The following JAM3 variants were observed in gnomAD, a reference collection of about 807,000 sequenced individuals.
JAM3 encodes junctional adhesion molecule 3.
In JAM3, 31 loss-of-function variants were observed where a neutral mutation model predicts 39.4. The ratio of observed to expected loss-of-function variants is 0.79; its 90% CI spans 0.59 to 1.06. The LOEUF is 1.06. JAM3 is among the 50% of genes least tolerant of loss of function. The pLI, the probability that JAM3 is intolerant of heterozygous loss-of-function variation, is 0.00. For synonymous variants in JAM3, 182 were observed against 148.7 expected, an observed-to-expected ratio of 1.22 and a Z score of -1.63; for missense variants, 455 against 391.4, an observed-to-expected ratio of 1.16 and a Z score of -1.37.
chr11:134,103,803 T>G lies in JAM3; in HGVS notation c.76+34644T>G, dbSNP rs184755517. 4.7e-3 allele frequency among the ~76,000 whole-genome samples: 711 copies of G among 152,244 alleles called. 6 individuals carry two copies. Among genetic ancestry groups the G allele is most frequent in the African/African-American group, 0.016 (678 of 41,558 alleles). On this transcript the variant is annotated intron_variant, in intron 1 of 8. Coordinates refer to ENST00000299106, the MANE Select transcript of JAM3 (RefSeq NM_032801.5). ...GGTAAAGGGATCAATTCAACAAGAA[T>G]AGCTAACTATCCTAAATATATATGC...
intron 1 of JAM3, among the ~76,000 whole-genome samples, chr11:134,133,383 A>T (rs934310485): frequency 6.6e-6 from 1 of 152,144 alleles, no homozygotes; most frequent in East Asian, 1.9e-4. Context: ...ATTGTAGGGG[A>T]AAAACTTTTG....
intron 1 of JAM3, among the ~76,000 whole-genome samples, chr11:134,083,205 T>C (rs1282524399): frequency 6.6e-6 from 1 of 152,228 alleles, no homozygotes. Flanking sequence ...TTAAGGCATA[T>C]GAAAAATAGG....
intron 1 of JAM3, among the ~76,000 whole-genome samples, chr11:134,125,956 C>G (rs1313223519): frequency 1.3e-5 from 2 of 152,220 alleles, no homozygotes; most frequent in Non-Finnish European, 2.9e-5. Flanking sequence ...CGTACCTTCA[C>G]ACTTGCTCTA....
At chr11:134,112,980 C>A (rs1942346649) in intron 1 of JAM3, among the ~76,000 whole-genome samples, 1 of 152,102 alleles carries the variant, frequency 6.6e-6, no homozygotes, top group South Asian at 2.1e-4. Context: ...CCAAGTAATA[C>A]CCAGCAAGGT....
intron 1 of JAM3, among the ~76,000 whole-genome samples, chr11:134,134,398 CA>C (rs34729848): frequency 0.069 from 2,214 of 31,960 alleles, 25 homozygotes; most frequent in East Asian, 0.26. Flanking sequence ...GGATAAATGC[CA>C]AAAAAAAAAA....
chr11:134,125,294 A>G (rs1251710097), intron 1 of JAM3, among the ~76,000 whole-genome samples: 2 of 152,218 alleles, frequency 1.3e-5, no homozygotes, highest in Non-Finnish European at 2.9e-5. Flanking sequence ...TGACGGTGCC[A>G]GCTGCACATC....
At chr11:134,079,177 A>G (rs1941622683) in intron 1 of JAM3, among the ~76,000 whole-genome samples, 1 of 152,006 alleles carries the variant, frequency 6.6e-6, no homozygotes, top group Non-Finnish European at 1.5e-5. Flanking sequence ...GCGCTCTGTT[A>G]TTTAAAAAAT....
chr11:134,085,552 C>G (rs1022852930), intron 1 of JAM3, among the ~76,000 whole-genome samples: 1 of 152,014 alleles, frequency 6.6e-6, no homozygotes, highest in African/African-American at 2.4e-5. Flanking sequence ...TTCTTTGTAC[C>G]TAATTTCATA....
At chr11:134,136,188 C>G (rs949821912) in intron 1 of JAM3, among the ~76,000 whole-genome samples, 3 of 152,160 alleles carry the variant, frequency 2.0e-5, no homozygotes, top group Non-Finnish European at 4.4e-5. Flanking sequence ...TAGCAGTTTT[C>G]CTTTTTCCGC....
At chr11:134,085,288 GA>G (rs1266687302) in intron 1 of JAM3, among the ~76,000 whole-genome samples, 1 of 152,198 alleles carries the variant, frequency 6.6e-6, no homozygotes, top group East Asian at 1.9e-4. Flanking sequence ...GAAGTAGAAA[GA>G]AACCATTCCA....
chr11:134,078,282 G>A lies in JAM3; in HGVS notation c.76+9123G>A, dbSNP rs1000001980. 3.3e-5 allele frequency among the ~76,000 whole-genome samples: 5 copies of A among 152,128 alleles called. No homozygotes were observed. The East Asian group carries it at 9.7e-4, about 30-fold the overall frequency. On this transcript the variant is annotated intron_variant, in intron 1 of 8. Transcript: ENST00000299106. ...TTACAGGCATGTGCCACCACACCCG[G>A]CTAATTTTTGTATTTTTAGTAGAGA...
chr11:134,094,717 G>T (rs1022199409), intron 1 of JAM3, among the ~76,000 whole-genome samples: 1 of 152,122 alleles, frequency 6.6e-6, no homozygotes, highest in South Asian at 2.1e-4. Flanking sequence ...ATACACTTTC[G>T]TGGCCCCTAT....
At chr11:134,128,766 C>G (rs368299920) in intron 1 of JAM3, among the ~76,000 whole-genome samples, 1 of 152,066 alleles carries the variant, frequency 6.6e-6, no homozygotes, top group East Asian at 1.9e-4. Flanking sequence ...TCAATTAAAC[C>G]TTTTTTCTTA....
chr11:134,136,324 C>G (rs1234937885), intron 1 of JAM3, among the ~76,000 whole-genome samples: 1 of 152,184 alleles, frequency 6.6e-6, no homozygotes, highest in Non-Finnish European at 1.5e-5. Flanking sequence ...CTCCCAGAAC[C>G]CATCTCCTAA....
Position 134,149,546 on chromosome 11 carries a change from G to A in JAM3, c.*365G>A, listed in dbSNP as rs530227652. On this transcript the variant is annotated 3_prime_UTR_variant, in exon 9 of 9. Coordinates refer to ENST00000299106, the MANE Select transcript of JAM3 (RefSeq NM_032801.5). ...GAAGCCAGCATGTTCACCACTGGTC[G>A]TTCAGCAGCCACGACAGCACCATGT... 2.8e-5 allele frequency: 14 copies of A among 493,904 alleles called. No homozygotes were observed. Among genetic ancestry groups the A allele is most frequent in the Middle Eastern group, 3.5e-4 (1 of 2,824 alleles). The allele number at this position is 493,904 out of a possible 1,614,324, so 30.6% of individuals were successfully genotyped here.
chr11:134,080,385 G>C (rs1054674393), intron 1 of JAM3, among the ~76,000 whole-genome samples: 1 of 152,206 alleles, frequency 6.6e-6, no homozygotes, highest in Non-Finnish European at 1.5e-5. Context: ...GCATGATATG[G>C]TTTGGCTCTG....
intron 1 of JAM3, among the ~76,000 whole-genome samples, chr11:134,073,650 C>T (rs749403227): frequency 1.6e-4 from 24 of 152,120 alleles, no homozygotes; most frequent in African/African-American, 5.1e-4. Context: ...GGTAAAACAT[C>T]GCCAGTCCTT....
chr11:134,095,972 A>T (rs2120661894), intron 1 of JAM3, among the ~76,000 whole-genome samples: 1 of 152,116 alleles, frequency 6.6e-6, no homozygotes, highest in South Asian at 2.1e-4. Flanking sequence ...GTTGCCATGC[A>T]TTTTATTTAT....
rs61244231 is a variant in JAM3, at chr11:134,118,969, CT to C, written c.77-20866del. Among the ~76,000 whole-genome samples the C allele has an allele frequency of 7.1e-3, 999 of 140,302 alleles. 2 individuals carry two copies. Among genetic ancestry groups the C allele is most frequent in the African/African-American group, 0.016 (610 of 37,998 alleles). The allele number at this position is 140,302 out of a possible 152,430, so 92.0% of individuals were successfully genotyped here. Reference sequence around the variant, plus strand: ...TTAATCAGATTTGTGCTCAAGAAATCTTTTTTTTTTTTTTTTGATACAGAGT... The same window carrying C: ...TTAATCAGATTTGTGCTCAAGAAATCTTTTTTTTTTTTTTTGATACAGAGT... On this transcript the variant is annotated intron_variant, in intron 1 of 8. Coordinates refer to ENST00000299106, the MANE Select transcript of JAM3 (RefSeq NM_032801.5).
Sources: allele counts gnomAD v4.1 joint callset (sites outside exome capture counted in the v4.1 genomes callset), GRCh38; gene constraint gnomAD v4.1.1; transcripts MANE v1.5; gene names NCBI Gene and HGNC (gene_info 2026-07-23, HGNC 2026-07-21).